SLC1A2: variants seen among roughly 807,000 people sequenced by gnomAD.
SLC1A2 encodes solute carrier family 1 member 2.
A neutral mutation model predicts 48.8 loss-of-function variants in SLC1A2; 15 were observed. The ratio of observed to expected loss-of-function variants is 0.31; its 90% CI spans 0.21 to 0.47. The LOEUF is 0.47. Among genes scored for constraint, SLC1A2 ranks in the 20% least tolerant of loss-of-function variants. SLC1A2 has a pLI of 0.99. For synonymous variants in SLC1A2, 279 were observed against 272.6 expected, an observed-to-expected ratio of 1.02 and a Z score of -0.23; for missense variants, 502 against 730.5, an observed-to-expected ratio of 0.69 and a Z score of 3.61.
intron 1 of SLC1A2, among the ~76,000 whole-genome samples, chr11:35,358,456 A>T (rs556475589): frequency 2.6e-5 from 4 of 152,350 alleles, no homozygotes; most frequent in African/African-American, 9.6e-5. Flanking sequence ...ATGTGAACAG[A>T]ATAAGTAATT....
intron 8 of SLC1A2, among the ~76,000 whole-genome samples, chr11:35,284,862 A>G (rs1850760961): frequency 6.6e-6 from 1 of 152,174 alleles, no homozygotes; most frequent in Non-Finnish European, 1.5e-5. Flanking sequence ...CTGAGCTTGG[A>G]CTTTTAAAAA....
intron 1 of SLC1A2, among the ~76,000 whole-genome samples, chr11:35,409,503 CAGGA>C (rs1425800989): frequency 1.3e-5 from 2 of 152,146 alleles, no homozygotes; most frequent in Non-Finnish European, 2.9e-5. Flanking sequence ...CTCTCTATAG[CAGGA>C]CTTTCAGATA....
rs114717344 is a variant in SLC1A2, at chr11:35,301,769, C to T, written c.731-124G>A. On this transcript the variant is annotated intron_variant, in intron 5 of 10. Transcript: ENST00000278379. Reference sequence around the variant, plus strand: ...ACTGCTGGTTACCCTATGAATTAGACATTAAAAGAACAAAGCATTATATTT... The same window carrying T: ...ACTGCTGGTTACCCTATGAATTAGATATTAAAAGAACAAAGCATTATATTT... The T allele has an allele frequency of 2.0e-3, 1,740 of 854,582 alleles. 19 individuals carry two copies. The African/African-American group carries it at 0.023, about 11-fold the overall frequency. The allele number at this position is 854,582 out of a possible 1,614,324, so 52.9% of individuals were successfully genotyped here. A position where few individuals can be genotyped will look rare whatever the true frequency, so the allele number is the denominator to read the frequency against.
intron 2 of SLC1A2, chr11:35,317,111 CA>C (rs1252517242): frequency 7.4e-6 from 3 of 406,380 alleles, no homozygotes; most frequent in Non-Finnish European, 1.4e-5. Context: ...GCAAAGTCTC[CA>C]TAAGTATAGG....
intron 9 of SLC1A2, among the ~76,000 whole-genome samples, chr11:35,276,986 C>T (rs1591416036): frequency 2.0e-5 from 3 of 152,098 alleles, no homozygotes; most frequent in Admixed American, 6.5e-5. Context: ...CTGGTAAGGG[C>T]CTTCTTTCTG....
At chr11:35,280,829 C>A (rs865843494) in intron 9 of SLC1A2, 38 bp downstream of exon 9, 4 of 1,485,940 alleles carry the variant, frequency 2.7e-6, no homozygotes, top group Middle Eastern at 1.9e-4. Context: ...GGAGGCAGTA[C>A]TCACAGTCCC....
At chr11:35,381,639 C>T (rs949038553) in intron 1 of SLC1A2, among the ~76,000 whole-genome samples, 67 of 152,138 alleles carry the variant, frequency 4.4e-4, no homozygotes, top group African/African-American at 1.5e-3. Context: ...GTACAAGCCA[C>T]AGCCTGTCCA....
At chr11:35,262,311 TG>T (rs1276305160) in intron 10 of SLC1A2, among the ~76,000 whole-genome samples, 1 of 152,158 alleles carries the variant, frequency 6.6e-6, no homozygotes, top group African/African-American at 2.4e-5. Context: ...AGACAGCACT[TG>T]GGGGGAAGTG....
Position 35,306,168 on chromosome 11 carries a change from G to A in SLC1A2, c.636C>T (p.Val212=), listed in dbSNP as rs757428593. 1.2e-6 allele frequency: 2 copies of A among 1,614,062 alleles called. No individual in the cohort carries two copies. Among genetic ancestry groups the A allele is most frequent in the South Asian group, 2.2e-5 (2 of 91,078 alleles). ...DEEANATSAV[V]SLLNETVTEV... is the part of the protein sequence containing the mutation. ...CAGTCACAGTCTCGTTCAACAGAGA[G>A]ACAACAGCGCTGGTTGCGTTGGCCT... The change falls in exon 5 of 11, where the codon GTC becomes GTT. Residue 212 remains valine (V), a synonymous_variant. Transcript: ENST00000278379.
chr11:35,367,007 T>C (rs1366235781), intron 1 of SLC1A2, among the ~76,000 whole-genome samples: 1 of 152,228 alleles, frequency 6.6e-6, no homozygotes, highest in African/African-American at 2.4e-5. Context: ...GGCTTCTCAC[T>C]CCTGGGAGGA....
At chr11:35,286,005 C>T (rs1850808370) in intron 8 of SLC1A2, 1 of 152,096 alleles carries the variant, frequency 6.6e-6, no homozygotes, top group Admixed American at 6.6e-5. Context: ...GTCAATATAA[C>T]ATTGAATGGG....
At chr11:35,415,762 A>AC (rs11404520) in intron 1 of SLC1A2, among the ~76,000 whole-genome samples, 106,956 of 152,100 alleles carry the variant, frequency 0.7, 38,432 homozygotes, top group African/African-American at 0.85. Context: ...CTTTCCCCTG[A>AC]CCCTTGGCTC....
At chr11:35,333,968 T>C (rs1376219315) in intron 1 of SLC1A2, among the ~76,000 whole-genome samples, 1 of 152,074 alleles carries the variant, frequency 6.6e-6, no homozygotes, top group Non-Finnish European at 1.5e-5. Context: ...TGCAAGCCAC[T>C]GCTCATTTAA....
chr11:35,371,685 T>C (rs763688526), intron 1 of SLC1A2, among the ~76,000 whole-genome samples: 1 of 150,708 alleles, frequency 6.6e-6, no homozygotes, highest in Non-Finnish European at 1.5e-5. Context: ...TACAATTAGC[T>C]GAATTAACAG....
intron 1 of SLC1A2, among the ~76,000 whole-genome samples, chr11:35,348,016 C>T (rs796602766): frequency 6.6e-6 from 1 of 152,214 alleles, no homozygotes; most frequent in South Asian, 2.1e-4. Flanking sequence ...TGCCTGAGGC[C>T]AAGCTCCATG....
At chr11:35,392,815 T>C (rs1023305465) in intron 1 of SLC1A2, among the ~76,000 whole-genome samples, 3 of 152,206 alleles carry the variant, frequency 2.0e-5, no homozygotes, top group East Asian at 1.9e-4. Flanking sequence ...GGTGGATAAA[T>C]GTGGCATGAA....
intron 3 of SLC1A2, among the ~76,000 whole-genome samples, chr11:35,314,385 A>C (rs2134882105): frequency 6.6e-6 from 1 of 152,240 alleles, no homozygotes; most frequent in Non-Finnish European, 1.5e-5. Flanking sequence ...TCAGTATCTG[A>C]ACAAAATATA....
chr11:35,275,271 C>G (rs1012458266), intron 9 of SLC1A2, among the ~76,000 whole-genome samples: 2 of 152,252 alleles, frequency 1.3e-5, no homozygotes, highest in South Asian at 4.1e-4. Context: ...CAGAAAAGAT[C>G]TCACTAGCAG....
Position 35,260,797 on chromosome 11 carries a change from C to A in SLC1A2, c.*97G>T. ...CAGATTAAGTAAACATAGAAATATA[C>A]GCATTTTTTTCCTTTTTAAAGAAAG... On this transcript the variant is annotated 3_prime_UTR_variant, in exon 11 of 11. Coordinates refer to ENST00000278379, the MANE Select transcript of SLC1A2 (RefSeq NM_004171.4). The A allele has an allele frequency of 1.1e-6, 1 of 874,322 alleles. No homozygotes were observed. Among genetic ancestry groups the A allele is most frequent in the Non-Finnish European group, 1.9e-6 (1 of 520,580 alleles). The allele number at this position is 874,322 out of a possible 1,614,324, so 54.2% of individuals were successfully genotyped here.
Sources: gnomAD v4.1 joint callset for allele counts (sites outside exome capture counted in the v4.1 genomes callset) on GRCh38, gnomAD v4.1.1 for gene constraint, MANE v1.5 for transcripts, NCBI Gene and HGNC (gene_info 2026-07-23, HGNC 2026-07-21) for gene names.